NLRC3: variants seen among roughly 807,000 people sequenced by gnomAD.
The protein encoded by NLRC3 is NLR family CARD domain-containing protein 3.
In NLRC3, 87 loss-of-function variants were observed where a neutral mutation model predicts 91.6. The ratio of observed to expected loss-of-function variants is 0.95; its 90% confidence interval spans 0.80 to 1.14. The LOEUF (loss-of-function observed/expected upper bound fraction) is 1.14. Ranked by LOEUF, NLRC3 falls within the 50% of genes most tolerant of loss-of-function variation. The pLI is 0.00. For synonymous variants in NLRC3, 694 were observed against 625.3 expected, an observed-to-expected ratio of 1.11 and a Z score of -1.64; for missense variants, 1,577 against 1,418.6, an observed-to-expected ratio of 1.11 and a Z score of -1.79.
intron 1 of NLRC3, among the ~76,000 whole-genome samples, chr16:3,574,544 C>A (rs1452444241): frequency 6.6e-6 from 1 of 152,164 alleles, no homozygotes; most frequent in Non-Finnish European, 1.5e-5. Flanking sequence ...GGCTGGCAAG[C>A]ACCCCTGCCT....
Position 3,568,595 on chromosome 16 carries a change from T to C in NLRC3, c.-168-1271A>G, listed in dbSNP as rs979051203. Reference sequence around the variant, plus strand: ...ATTAAAAATTAGCCAGGCATGGTGGTTCACGCCTGTAGTCCCAGCTACTCA... The same window carrying C: ...ATTAAAAATTAGCCAGGCATGGTGGCTCACGCCTGTAGTCCCAGCTACTCA... On this transcript the variant is annotated intron_variant, in intron 1 of 19. Transcript: ENST00000359128. Among the ~76,000 whole-genome samples, 7 of 152,234 alleles carry C rather than the reference T, an allele frequency of 4.6e-5. No homozygotes were observed. In the South Asian group the frequency reaches 1.2e-3, roughly 27 times the overall value.
chr16:3,550,930 CATCT>C (rs1327949881), intron 10 of NLRC3, among the ~76,000 whole-genome samples: 2 of 152,136 alleles, frequency 1.3e-5, no homozygotes, highest in Non-Finnish European at 2.9e-5. Flanking sequence ...CACTTCCATC[CATCT>C]ATCCATCCAC....
chr16:3,565,345 G>C lies in NLRC3; in HGVS notation c.-51C>G, dbSNP rs1292685808. The C allele has an allele frequency of 6.4e-6, 4 of 626,532 alleles. No individual in the cohort carries two copies. The African/African-American group carries it at 7.2e-5, about 11-fold the overall frequency. 38.8% of individuals were successfully genotyped at this position (626,532 alleles called of 1,614,324 possible). Reference sequence around the variant, plus strand: ...AGATAGGTGACTGAGGGCAGGCTGAGTCACCTCTCTGCGCCTTGGTGTCTT... The same window carrying C: ...AGATAGGTGACTGAGGGCAGGCTGACTCACCTCTCTGCGCCTTGGTGTCTT... On this transcript the variant is annotated 5_prime_UTR_variant, in exon 3 of 20. Transcript: ENST00000359128.
Position 3,563,534 on chromosome 16 carries a change from T to C in NLRC3, c.1403A>G (p.Tyr468Cys). Residue 468 changes from tyrosine to cysteine, a missense_variant, in exon 5 of 20, where the codon TAT becomes TGT. Coordinates refer to ENST00000359128, the MANE Select transcript of NLRC3 (RefSeq NM_178844.4). ...LQEFVAAAYY[Y>C]GASRRAIFDL... ...GAAGATGGCCCTCCTGGATGCGCCA[T>C]AGTAATACGCGGCTGCCACAAACTC... The C allele has an allele frequency of 3.1e-6, 5 of 1,608,748 alleles. No homozygotes were observed. Among genetic ancestry groups the C allele is most frequent in the South Asian group, 1.1e-5 (1 of 90,140 alleles).
At chr16:3,575,827 C>T (rs922217018) in intron 1 of NLRC3, among the ~76,000 whole-genome samples, 2 of 152,204 alleles carry the variant, frequency 1.3e-5, no homozygotes, top group African/African-American at 4.8e-5. Context: ...CTTCCCAGTG[C>T]TGGCTGCCTA....
At chr16:3,548,867 G>C in intron 13 of NLRC3, 114 bp from the exon 14 acceptor site, 1 of 745,730 alleles carries the variant, frequency 1.3e-6, no homozygotes, top group Non-Finnish European at 2.2e-6. Context: ...GCACGAGGGG[G>C]TGCTTCCTGG....
chr16:3,572,739 G>A lies in NLRC3; in HGVS notation c.-169+4410C>T, dbSNP rs187931416. On this transcript the variant is annotated intron_variant, in intron 1 of 19. Transcript: ENST00000359128. ...TCCTAAAGAAATATGTGGGCCAGGC[G>A]CGGTGACTCACACCTGTAATCCTAG... Among the ~76,000 whole-genome samples, 262 of 152,246 alleles carry A rather than the reference G, an allele frequency of 1.7e-3. 4 individuals are homozygous for A. Among genetic ancestry groups the A allele is most frequent in the African/African-American group, 5.9e-3 (246 of 41,552 alleles).
intron 16 of NLRC3, 43 bp downstream of exon 16, chr16:3,544,203 G>A (rs1481105864): frequency 1.9e-5 from 22 of 1,128,456 alleles, no homozygotes; most frequent in Middle Eastern, 3.9e-4. Context: ...AAAGGATGGC[G>A]AAGGGACCGG....
intron 9 of NLRC3, among the ~76,000 whole-genome samples, chr16:3,553,052 C>A (rs544834558): frequency 6.6e-6 from 1 of 152,316 alleles, no homozygotes; most frequent in East Asian, 1.9e-4. Flanking sequence ...ACGGGAGAAA[C>A]CCTGTCCTCA....
intron 17 of NLRC3, 94 bp downstream of exon 17, chr16:3,543,331 T>C: frequency 2.3e-6 from 2 of 862,010 alleles, no homozygotes; most frequent in Non-Finnish European, 3.8e-6. Context: ...GGATGATTTG[T>C]GAGTTGTCTG....
rs936419084 is a variant in NLRC3, at chr16:3,540,538, C to G, written c.*1287G>C. ...GACATCACTGCCAGGTGCAGTGGCT[C>G]ACACCTGTAATCCCAGCACTTTGGG... On this transcript the variant is annotated 3_prime_UTR_variant, in exon 20 of 20. Transcript: ENST00000359128. The G allele has an allele frequency of 3.3e-4, 50 of 152,268 alleles. No homozygotes were observed. The highest frequency in any genetic ancestry group is 1.2e-3 in the African/African-American group (49 of 41,458). The allele number at this position is 152,268 out of a possible 1,614,324, so 9.4% of individuals were successfully genotyped here.
At chr16:3,556,840 G>T in intron 8 of NLRC3, 71 bp downstream of exon 8, 1 of 1,013,980 alleles carries the variant, frequency 9.9e-7, no homozygotes, top group East Asian at 2.4e-5. Flanking sequence ...CATTCTCATA[G>T]GTGGTGCCTG....
intron 6 of NLRC3, among the ~76,000 whole-genome samples, chr16:3,561,473 C>T (rs1215291160): frequency 6.6e-6 from 1 of 152,200 alleles, no homozygotes; most frequent in African/African-American, 2.4e-5. Flanking sequence ...CTGTGCACAG[C>T]GGTGTCTAGT....
rs967151421 is a variant in NLRC3 at position 3,543,213 on chromosome 16, G to A, written c.2939+212C>T. Reference sequence around the variant, plus strand: ...TAAACCAGGCCTCTAGACGTGTTCAGCCTGGCAAGGCCAACCCGGAGAGGA... The same window carrying A: ...TAAACCAGGCCTCTAGACGTGTTCAACCTGGCAAGGCCAACCCGGAGAGGA... On this transcript the variant is annotated intron_variant, in intron 17 of 19. Coordinates refer to ENST00000359128, the MANE Select transcript of NLRC3 (RefSeq NM_178844.4). 5.4e-6 allele frequency: 3 copies of A among 556,132 alleles called. No individual in the cohort carries two copies. In the Admixed American group the frequency reaches 8.5e-5, roughly 16 times the overall value. 34.4% of individuals were successfully genotyped at this position (556,132 alleles called of 1,614,324 possible). A position where few individuals can be genotyped will look rare whatever the true frequency, so the allele number is the denominator to read the frequency against.
chr16:3,549,604 A>C (rs2038888342), intron 12 of NLRC3, 93 bp downstream of exon 12: 1 of 988,654 alleles, frequency 1.0e-6, no homozygotes, highest in South Asian at 1.5e-5. Flanking sequence ...CCAGCCATAG[A>C]TTTCCCTGAG....
At position 3,577,154 on chromosome 16, in the gene NLRC3, G is replaced by A. The variant is rs1000088153; in HGVS notation, c.-174C>T. 66 of 702,974 alleles carry A rather than the reference G, an allele frequency of 9.4e-5. No individual in the cohort carries two copies. Among genetic ancestry groups the A allele is most frequent in the Middle Eastern group, 4.6e-4 (2 of 4,368 alleles). The allele number at this position is 702,974 out of a possible 1,614,324, so 43.5% of individuals were successfully genotyped here. ...GTCACCTGGACCCAACTTACCTCCC[G>A]GGCCTCGATGCTGCTCCAGGGACAG... On this transcript the variant is annotated 5_prime_UTR_variant, in exon 1 of 20. Coordinates refer to ENST00000359128, the MANE Select transcript of NLRC3 (RefSeq NM_178844.4).
chr16:3,552,480 G>A (rs1203832548), intron 9 of NLRC3, among the ~76,000 whole-genome samples: 2 of 152,128 alleles, frequency 1.3e-5, no homozygotes, highest in African/African-American at 2.4e-5. Context: ...GATAGTAAGG[G>A]GTCAGGGCAG....
At chr16:3,549,801 C>A in intron 11 of NLRC3, 21 bp from the exon 12 acceptor site, 1 of 1,533,954 alleles carries the variant, frequency 6.5e-7, no homozygotes, top group African/African-American at 1.4e-5. Context: ...AGGAGGCGCC[C>A]TGGGTGTGGC....
At chr16:3,560,092 T>G (rs1475773426) in intron 6 of NLRC3, among the ~76,000 whole-genome samples, 5 of 152,160 alleles carry the variant, frequency 3.3e-5, no homozygotes, top group African/African-American at 1.2e-4. Flanking sequence ...AGATAAAGAT[T>G]ACTTCAGAAC....
Sources: gnomAD v4.1 joint callset for allele counts (sites outside exome capture counted in the v4.1 genomes callset) on GRCh38, gnomAD v4.1.1 for gene constraint, MANE v1.5 for transcripts, NCBI Gene and HGNC (gene_info 2026-07-23, HGNC 2026-07-21) for gene names.